The following IFT74 variants were observed in gnomAD, a reference collection of about 807,000 sequenced individuals.
The protein encoded by IFT74 is intraflagellar transport protein 74 homolog.
In IFT74, 92 loss-of-function variants were observed where a neutral mutation model predicts 96.7. The ratio of observed to expected loss-of-function variants is 0.95; its 90% CI spans 0.80 to 1.13. The LOEUF (loss-of-function observed/expected upper bound fraction) is 1.13. IFT74 is among the 50% of genes most tolerant of loss of function. IFT74 has a pLI of 0.00. For synonymous variants in IFT74, 223 were observed against 213.2 expected (o/e 1.05, Z -0.40); for missense variants, 811 against 698.2 (o/e 1.16, Z -1.82).
At chr9:27,047,235 C>T (rs752269855) in intron 14 of IFT74, 39 bp from the exon 15 acceptor site, 1 of 1,219,232 alleles carries the variant, frequency 8.2e-7, no homozygotes, top group South Asian at 1.2e-5. Flanking sequence ...AGTGTTAACT[C>T]TATCAGCAGT....
intron 16 of IFT74, among the ~76,000 whole-genome samples, chr9:27,054,398 C>G (rs988519064): frequency 1.3e-5 from 2 of 152,150 alleles, no homozygotes; most frequent in African/African-American, 4.8e-5. Flanking sequence ...GCACCCTGTG[C>G]TACTCTTTTC....
rs555665525 is a variant in IFT74, at chr9:27,057,567, C to G, written c.1623+1108C>G. On this transcript the variant is annotated intron_variant, in intron 18 of 19. Transcript: ENST00000380062. ...TAAAACCCTAAATGCATTAAAAATTCCCTCTTTTGGCCAGGCACGGTGGTT... is the reference window on the plus strand; with the variant it reads ...TAAAACCCTAAATGCATTAAAAATTGCCTCTTTTGGCCAGGCACGGTGGTT... 3.9e-5 allele frequency among the ~76,000 whole-genome samples: 6 copies of G among 152,136 alleles called. No individual in the cohort carries two copies. The East Asian group carries it at 1.2e-3, about 29-fold the overall frequency.
rs1564012426 is a variant in IFT74 at position 27,062,681 on chromosome 9, T to C, written c.1748T>C (p.Ile583Thr). The change falls in exon 20 of 20, where the codon ATT becomes ACT. Residue 583 changes from isoleucine to threonine, a missense_variant. Physicochemically the swap from Ile to Thr is moderately conservative, Grantham distance 89. Transcript: ENST00000380062. ...QPIKKNVTKQ[I>T]AEYNKTIVDA... is the part of the protein sequence containing the mutation. ...ATTAAGAAAAATGTGACCAAGCAGA[T>C]TGCAGAGTACAATAAAACCATCGTG... The C allele has an allele frequency of 6.2e-7, 1 of 1,610,482 alleles. No homozygotes were observed. The highest frequency in any genetic ancestry group is 1.7e-5 in the Admixed American group (1 of 59,388).
intron 2 of IFT74, among the ~76,000 whole-genome samples, 199 bp from the exon 3 acceptor site, chr9:26,977,929 A>G (rs1401243753): frequency 6.6e-6 from 1 of 152,262 alleles, no homozygotes; most frequent in Non-Finnish European, 1.5e-5. Flanking sequence ...TTAAATAGTC[A>G]TAGAACATTA....
At chr9:27,032,192 T>C (rs1830155650) in intron 13 of IFT74, among the ~76,000 whole-genome samples, 1 of 152,242 alleles carries the variant, frequency 6.6e-6, no homozygotes, top group Non-Finnish European at 1.5e-5. Flanking sequence ...CTGGCTTAGA[T>C]TTCAACTTTC....
intron 12 of IFT74, among the ~76,000 whole-genome samples, chr9:27,027,049 TAAAC>T (rs1829897989): frequency 6.6e-6 from 1 of 151,928 alleles, no homozygotes; most frequent in Non-Finnish European, 1.5e-5. Context: ...TTTGAAAAGA[TAAAC>T]AAAATTGATA....
chr9:26,958,179 T>C (rs1450501525), intron 1 of IFT74, among the ~76,000 whole-genome samples: 1 of 152,200 alleles, frequency 6.6e-6, no homozygotes, highest in African/African-American at 2.4e-5. Flanking sequence ...TTTGGGGATA[T>C]AAAGATGATT....
In IFT74 at chr9:26,996,250, T is replaced by C. The variant is rs955163715; in HGVS notation, c.587+6055T>C. On this transcript the variant is annotated intron_variant, in intron 8 of 19. Transcript: ENST00000380062. ...TATACAAATTTAAAATAAAGATAAC[T>C]ACCTCAGTTTATTTAGTATGATACA... The C allele has an allele frequency of 5.3e-6, 5 of 936,392 alleles. No homozygotes were observed. In the African/African-American group the frequency reaches 6.8e-5, roughly 13 times the overall value. 58.0% of individuals were successfully genotyped at this position (936,392 alleles called of 1,614,324 possible). A position where few individuals can be genotyped will look rare whatever the true frequency, so the allele number is the denominator to read the frequency against.
chr9:27,006,991 C>T (rs1373193477), intron 8 of IFT74, among the ~76,000 whole-genome samples: 3 of 151,820 alleles, frequency 2.0e-5, no homozygotes, highest in Non-Finnish European at 2.9e-5. Flanking sequence ...CGCCCACCAT[C>T]ACGCCCAGCT....
At position 26,978,268 on chromosome 9, in the gene IFT74, C is replaced by T; in HGVS notation, c.256+5C>T. 1.9e-6 allele frequency: 3 copies of T among 1,611,864 alleles called. No individual in the cohort carries two copies. The highest frequency in any genetic ancestry group is 2.5e-6 in the Non-Finnish European group (3 of 1,179,446). On this transcript the variant is annotated splice_donor_5th_base_variant and intron_variant, in intron 3 of 19. Transcript: ENST00000380062. Reference sequence around the variant, plus strand: ...GAATGAAAACTGGGACGAAAGGTACCTATTTTAAGATAAGTATGACACTTG... The same window carrying T: ...GAATGAAAACTGGGACGAAAGGTACTTATTTTAAGATAAGTATGACACTTG...
rs754841864 is a variant in IFT74, at chr9:26,984,225, T to C, written c.306-32T>C. ...TAACTAGAGTTTTCTGGATTAAAAG[T>C]ATTGCTGACATTCTTATTTCTTTTC... On this transcript the variant is annotated intron_variant, in intron 4 of 19. Transcript: ENST00000380062. 3.3e-6 allele frequency: 5 copies of C among 1,509,346 alleles called. No homozygotes were observed. In the Admixed American group the frequency reaches 1.1e-4, roughly 33 times the overall value. The allele number at this position is 1,509,346 out of a possible 1,614,324, so 93.5% of individuals were successfully genotyped here. A position where few individuals can be genotyped will look rare whatever the true frequency, so the allele number is the denominator to read the frequency against.
At chr9:27,057,591 T>A (rs1271951190) in intron 18 of IFT74, among the ~76,000 whole-genome samples, 1 of 152,070 alleles carries the variant, frequency 6.6e-6, no homozygotes, top group Non-Finnish European at 1.5e-5. Context: ...GGCACGGTGG[T>A]TCACGCCTGT....
rs1162173011 is a variant in IFT74, at chr9:26,984,492, C to T, written c.405-7C>T. 4 of 1,608,046 alleles carry T rather than the reference C, an allele frequency of 2.5e-6. No individual in the cohort carries two copies. Among genetic ancestry groups the T allele is most frequent in the East Asian group, 2.2e-5 (1 of 44,658 alleles). ...TATTTATGAATGTATTTATTTTATG[C>T]TTTCAGGGCTGAGACTTTAGCTGTT... On this transcript the variant is annotated splice_polypyrimidine_tract_variant and splice_region_variant and intron_variant, in intron 5 of 19. Transcript: ENST00000380062.
intron 13 of IFT74, among the ~76,000 whole-genome samples, chr9:27,033,630 A>C (rs1360009445): frequency 6.6e-6 from 1 of 151,520 alleles, no homozygotes; most frequent in Non-Finnish European, 1.5e-5. Context: ...TCTGACAACC[A>C]TTAGCTACCC....
intron 8 of IFT74, among the ~76,000 whole-genome samples, chr9:27,001,942 C>CT (rs35725614): frequency 0.28 from 40,162 of 144,958 alleles, 6,290 homozygotes; most frequent in Non-Finnish European, 0.36. Flanking sequence ...CTTTTTTTCT[C>CT]TTTTTTTTTT....
At chr9:27,007,539 C>A (rs553147486) in intron 8 of IFT74, among the ~76,000 whole-genome samples, 1 of 152,170 alleles carries the variant, frequency 6.6e-6, no homozygotes, top group African/African-American at 2.4e-5. Context: ...GTGAAGATAC[C>A]ACTTCTTCTC....
At chr9:26,966,849 G>A (rs1182444322) in intron 2 of IFT74, among the ~76,000 whole-genome samples, 4 of 151,998 alleles carry the variant, frequency 2.6e-5, no homozygotes, top group African/African-American at 9.7e-5. Context: ...TGTATATGGT[G>A]AGAGATATGG....
rs71841244 is a variant in IFT74 at position 26,948,448 on chromosome 9, A to ATTTTTTTTTTTTTT, written c.-20+1329_-20+1342dup. 8.3e-4 allele frequency among the ~76,000 whole-genome samples: 49 copies of ATTTTTTTTTTTTTT among 59,158 alleles called. 10 individuals are homozygous for ATTTTTTTTTTTTTT. Among genetic ancestry groups the ATTTTTTTTTTTTTT allele is most frequent in the Non-Finnish European group, 1.4e-3 (37 of 26,080 alleles). The allele number at this position is 59,158 out of a possible 152,430, so 38.8% of individuals were successfully genotyped here. ...TGACAACCTGTGATGGCTTTCCATT[A>ATTTTTTTTTTTTTT]TTTTTTTTTTTTTTTTTTTTTTTTT... On this transcript the variant is annotated intron_variant, in intron 1 of 19. Transcript: ENST00000433700.
rs768119194 is a variant in IFT74 at position 27,062,707 on chromosome 9, G to T, written c.1774G>T (p.Asp592Tyr). The change falls in exon 20 of 20, where the codon GAT (aspartate) becomes TAT (tyrosine). Residue 592 changes from aspartate (D) to tyrosine (Y), a missense_variant. Coordinates refer to ENST00000380062, the MANE Select transcript of IFT74 (RefSeq NM_025103.4). ...TGCAGAGTACAATAAAACCATCGTGGATGCTTTACATAGCACCAGCGGAAA... is the reference window on the plus strand; with the variant it reads ...TGCAGAGTACAATAAAACCATCGTGTATGCTTTACATAGCACCAGCGGAAA... ...QIAEYNKTIVDALHSTSGN is the reference protein window; with the variant it reads ...QIAEYNKTIVYALHSTSGN 4.4e-6 allele frequency: 7 copies of T among 1,603,274 alleles called. No individual in the cohort carries two copies. Among genetic ancestry groups the T allele is most frequent in the Non-Finnish European group, 6.0e-6 (7 of 1,173,462 alleles).
Sources: allele counts gnomAD v4.1 joint callset (sites outside exome capture counted in the v4.1 genomes callset), GRCh38; gene constraint gnomAD v4.1.1; transcripts MANE v1.5; gene names NCBI Gene and HGNC (gene_info 2026-07-23, HGNC 2026-07-21).